Variants in TMEM229B observed in about 807,000 individuals in gnomAD.
The protein encoded by TMEM229B is chromosome 14 open reading frame 83.
TMEM229B carries 6 observed loss-of-function variants against 13.7 expected under a neutral mutation model. That is an observed-to-expected ratio of 0.44 (90% CI 0.24 to 0.86). TMEM229B has a LOEUF of 0.86. TMEM229B is among the 40% of genes least tolerant of loss of function. The pLI is 0.23. For synonymous variants in TMEM229B, 107 were observed against 102.1 expected (o/e 1.05, Z -0.29); for missense variants, 170 against 236.0 (o/e 0.72, Z 1.83).
exon 1 of TMEM229B, chr14:67,515,414 C>T: frequency 5.5e-6 from 1 of 182,916 alleles, no homozygotes; most frequent in Non-Finnish European, 1.1e-5. Flanking sequence ...CCCCCGGCGG[C>T]GGCGGCGGCG....
At chr14:67,476,770 C>A (rs1225027916) in intron 2 of TMEM229B, among the ~76,000 whole-genome samples, 1 of 152,056 alleles carries the variant, frequency 6.6e-6, no homozygotes, top group East Asian at 1.9e-4. Flanking sequence ...CAGAACTCAT[C>A]CCCTGCACAT....
Position 67,471,961 on chromosome 14 carries a change from G to A in TMEM229B, c.*1459C>T, listed in dbSNP as rs1351427226. The stretch of plus-strand genomic sequence containing the variant: ...ACGGACCCTTCCCCTTGAGGAGTGA[G>A]AGTCAGAGCCGGAAGTAGGCTGGAG... On this transcript the variant is annotated 3_prime_UTR_variant, in exon 3 of 3. Transcript: ENST00000554480. 6.6e-6 allele frequency: 1 copy of A among 152,322 alleles called. No individual in the cohort carries two copies. The highest frequency in any genetic ancestry group is 1.5e-5 in the Non-Finnish European group (1 of 68,090). 9.4% of individuals were successfully genotyped at this position (152,322 alleles called of 1,614,324 possible).
chr14:67,483,123 G>A (rs1307071310), intron 2 of TMEM229B, among the ~76,000 whole-genome samples: 1 of 152,066 alleles, frequency 6.6e-6, no homozygotes, highest in Non-Finnish European at 1.5e-5. Context: ...CAATTCTCAT[G>A]CCTCAGCCTC....
chr14:67,504,267 G>A (rs1458113984), intron 1 of TMEM229B, among the ~76,000 whole-genome samples: 1 of 152,082 alleles, frequency 6.6e-6, no homozygotes, highest in Non-Finnish European at 1.5e-5. Flanking sequence ...GCTTACCTCA[G>A]CCTCCCAAAG....
chr14:67,531,134 G>A (rs529907974), intron 1 of TMEM229B, among the ~76,000 whole-genome samples: 1 of 152,278 alleles, frequency 6.6e-6, no homozygotes, highest in South Asian at 2.1e-4. Flanking sequence ...AAAGAAAGGG[G>A]CTCTAGGGGT....
chr14:67,475,093 T>G (rs2031098518), intron 2 of TMEM229B, among the ~76,000 whole-genome samples: 1 of 152,032 alleles, frequency 6.6e-6, no homozygotes, highest in Non-Finnish European at 1.5e-5. Flanking sequence ...TTTTTGAATT[T>G]TAGTAGAGAC....
At position 67,473,946 on chromosome 14, in the gene TMEM229B, G is replaced by C. The variant is rs572482123; in HGVS notation, c.-18-5C>G. 8 of 1,581,482 alleles carry C rather than the reference G, an allele frequency of 5.1e-6. No individual in the cohort carries two copies. The highest frequency in any genetic ancestry group is 2.3e-5 in the South Asian group (2 of 86,062). ...CATGGCGCCGACTGGGGCTGGCTGC[G>C]GGGGGCGCAAGAGAGACAGGTGAGG... is the stretch of plus-strand genomic sequence containing the variant. On this transcript the variant is annotated splice_region_variant and splice_polypyrimidine_tract_variant and intron_variant, in intron 2 of 2. Coordinates refer to ENST00000554480, the MANE Select transcript of TMEM229B (RefSeq NM_001348543.2). This position sits in a 1 kb window ranked among gnomAD's most constrained non-coding sequence, Gnocchi z 6.5.
At chr14:67,532,479 T>G (rs1471670131) in intron 1 of TMEM229B, among the ~76,000 whole-genome samples, 2 of 152,138 alleles carry the variant, frequency 1.3e-5, no homozygotes, top group African/African-American at 4.8e-5. Context: ...TGAGATTGCT[T>G]TGGGCGATCT....
Position 67,473,394 on chromosome 14 carries a change from C to A in TMEM229B, c.*26G>T. ...TTTGTCCATGAGTTCCATGAGAGAT[C>A]CCCAGGCCCCCCACCCGCTTCCTGC... On this transcript the variant is annotated 3_prime_UTR_variant, in exon 3 of 3. Transcript: ENST00000554480. The surrounding 1 kb of genome is among the most constrained non-coding windows in gnomAD (Gnocchi z 6.5). 1 of 1,606,982 alleles carries A rather than the reference C, an allele frequency of 6.2e-7. No homozygotes were observed. The highest frequency in any genetic ancestry group is 8.5e-7 in the Non-Finnish European group (1 of 1,176,588).
chr14:67,513,257 C>A (rs76149837), intron 1 of TMEM229B, among the ~76,000 whole-genome samples: 3 of 152,202 alleles, frequency 2.0e-5, no homozygotes, highest in Admixed American at 6.5e-5. Flanking sequence ...TTGGGACAAA[C>A]CAATAAAGCC....
intron 1 of TMEM229B, among the ~76,000 whole-genome samples, chr14:67,507,539 C>T (rs1203045331): frequency 1.3e-5 from 2 of 151,972 alleles, no homozygotes; most frequent in East Asian, 3.9e-4. Flanking sequence ...GCCTCGACCT[C>T]CCAGGCTTAA....
At chr14:67,503,191 G>A (rs1168401269) in intron 1 of TMEM229B, among the ~76,000 whole-genome samples, 1 of 152,182 alleles carries the variant, frequency 6.6e-6, no homozygotes, top group Admixed American at 6.5e-5. Context: ...AAAATGACAA[G>A]AGGAGTTAAA....
At chr14:67,519,319 G>T (rs566050159), upstream of TMEM229B, among the ~76,000 whole-genome samples, 2 of 152,352 alleles carry the variant, frequency 1.3e-5, no homozygotes, top group South Asian at 4.1e-4. Flanking sequence ...TAAAGGGAAT[G>T]CTGGCAAAAC....
chr14:67,530,867 T>A (rs1000961298), intron 1 of TMEM229B, among the ~76,000 whole-genome samples: 32 of 152,172 alleles, frequency 2.1e-4, no homozygotes, highest in Admixed American at 2.0e-4. Flanking sequence ...ATTTTTAATA[T>A]CCCACCTGCA....
At chr14:67,492,111 A>G (rs898301340), upstream of TMEM229B, among the ~76,000 whole-genome samples, 3 of 150,800 alleles carry the variant, frequency 2.0e-5, no homozygotes, top group Non-Finnish European at 4.4e-5. Flanking sequence ...AGCCCACTCT[A>G]TCTCACATGC....
intron 1 of TMEM229B, among the ~76,000 whole-genome samples, chr14:67,523,215 C>T (rs998265471): frequency 5.3e-5 from 8 of 151,502 alleles, no homozygotes; most frequent in South Asian, 2.1e-4. Flanking sequence ...CCCAGCTACT[C>T]GGGAGGCTAA....
intron 1 of TMEM229B, among the ~76,000 whole-genome samples, chr14:67,511,362 CA>C (rs578260630): frequency 7.8e-6 from 1 of 128,414 alleles, no homozygotes; most frequent in Non-Finnish European, 1.8e-5. Context: ...AACAAAAAAA[CA>C]AAAAAAACTG....
At chr14:67,508,752 T>TAAAAAAAAAAAAAAAAAA (rs2032918967) in intron 1 of TMEM229B, among the ~76,000 whole-genome samples, 12 of 18,862 alleles carry the variant, frequency 6.4e-4, no homozygotes, top group Non-Finnish European at 1.7e-3. Flanking sequence ...AAACCTTGTC[T>TAAAAAAAAAAAAAAAAAA]CAAAAAAAAA....
rs2030741451 is a variant in TMEM229B, at chr14:67,471,763, C to T, written c.*1657G>A. The stretch of plus-strand genomic sequence containing the variant: ...TGGCCCACCCCACCACACCCTGCAC[C>T]CCACCACACCCTGCACAGTATGGGC... On this transcript the variant is annotated 3_prime_UTR_variant, in exon 3 of 3. Transcript: ENST00000554480. 6.6e-6 allele frequency: 1 copy of T among 152,372 alleles called. No individual in the cohort carries two copies. Among genetic ancestry groups the T allele is most frequent in the African/African-American group, 2.4e-5 (1 of 41,434 alleles). The allele number at this position is 152,372 out of a possible 1,614,324, so 9.4% of individuals were successfully genotyped here. A position where few individuals can be genotyped will look rare whatever the true frequency, so the allele number is the denominator to read the frequency against.
Sources: allele counts gnomAD v4.1 joint callset (sites outside exome capture counted in the v4.1 genomes callset), GRCh38; gene constraint gnomAD v4.1.1; non-coding constraint Gnocchi (gnomAD v3.1); transcripts MANE v1.5; gene names NCBI Gene and HGNC (gene_info 2026-07-23, HGNC 2026-07-21).